Variants in GALNT17 observed in about 807,000 individuals in gnomAD.
The protein encoded by GALNT17 is polypeptide N-acetylgalactosaminyltransferase 17.
GALNT17 carries 29 observed loss-of-function variants against 63.7 expected under a neutral mutation model. The ratio of observed to expected loss-of-function variants is 0.46; its 90% CI spans 0.34 to 0.62. The LOEUF (loss-of-function observed/expected upper bound fraction) is 0.62. Among genes scored for constraint, GALNT17 ranks in the 20% least tolerant of loss-of-function variants. The pLI, the probability that GALNT17 is intolerant of heterozygous loss-of-function variation, is 0.01. For synonymous variants in GALNT17, 305 were observed against 318.3 expected (o/e 0.96, Z 0.45); for missense variants, 603 against 799.6 (o/e 0.75, Z 2.97).
At chr7:71,709,633 T>A (rs765927370) in intron 9 of GALNT17, among the ~76,000 whole-genome samples, 5 of 152,176 alleles carry the variant, frequency 3.3e-5, no homozygotes, top group Non-Finnish European at 7.4e-5. Flanking sequence ...AGCCTCACTC[T>A]GTTGCCCAGG....
chr7:71,201,790 C>A (rs1434483660), intron 1 of GALNT17, among the ~76,000 whole-genome samples: 2 of 152,058 alleles, frequency 1.3e-5, no homozygotes, highest in Non-Finnish European at 2.9e-5. Flanking sequence ...CGCCACCACA[C>A]CCAGCTAATT....
rs549185101 is a variant in GALNT17 at position 71,287,386 on chromosome 7, G to A, written c.239-48164G>A. On this transcript the variant is annotated intron_variant, in intron 1 of 10. Transcript: ENST00000333538. ...ATTACAGGTGTGAGACACCACACCC[G>A]GCTGCTTTTAAGGTCCTTAAAGTGC... Among the ~76,000 whole-genome samples, 26 of 151,940 alleles carry A rather than the reference G, an allele frequency of 1.7e-4. No homozygotes were observed. The South Asian group carries it at 4.4e-3, about 26-fold the overall frequency.
chr7:71,415,996 G>T lies in GALNT17; in HGVS notation c.697G>T (p.Gly233Cys). ...AGGCCTGATCCGCGCTCGCATTGAG[G>T]GCTGGAAGGTGGCTACCGGGCAGGT... ...REGLIRARIE[G>C]WKVATGQVTG... The change falls in exon 4 of 11, where the codon GGC (glycine) becomes TGC (cysteine). Residue 233 changes from glycine (G) to cysteine (C), a missense_variant. Transcript: ENST00000333538. 2 of 1,613,826 alleles carry T rather than the reference G, an allele frequency of 1.2e-6. No homozygotes were observed. Among genetic ancestry groups the T allele is most frequent in the Non-Finnish European group, 1.7e-6 (2 of 1,179,880 alleles).
intron 8 of GALNT17, among the ~76,000 whole-genome samples, chr7:71,674,495 G>GCCAC (rs1290637454): frequency 2.7e-5 from 4 of 146,854 alleles, no homozygotes; most frequent in Middle Eastern, 3.2e-3. Context: ...ACAGGTGTGA[G>GCCAC]CCACTGCTGT....
intron 1 of GALNT17, among the ~76,000 whole-genome samples, chr7:71,201,375 T>G (rs1249070021): frequency 2.0e-5 from 3 of 151,536 alleles, no homozygotes; most frequent in Admixed American, 2.0e-4. Flanking sequence ...TGCTGAGAAC[T>G]CAGATATTTA....
intron 1 of GALNT17, among the ~76,000 whole-genome samples, chr7:71,317,857 G>C (rs1051810509): frequency 1.3e-5 from 2 of 151,990 alleles, no homozygotes; most frequent in African/African-American, 4.8e-5. Flanking sequence ...GAAGAATTTG[G>C]CTTCTTCCTT....
chr7:71,710,978 G>C, intron 10 of GALNT17, 50 bp downstream of exon 10: 2 of 1,591,406 alleles, frequency 1.3e-6, no homozygotes, highest in Non-Finnish European at 1.7e-6. Flanking sequence ...GCAAGAGGCT[G>C]CAGACCACAG....
chr7:71,455,512 T>G (rs532873364), intron 5 of GALNT17, among the ~76,000 whole-genome samples: 7 of 152,042 alleles, frequency 4.6e-5, no homozygotes, highest in East Asian at 3.9e-4. Flanking sequence ...TTTTGTTTTT[T>G]TTTTTGCATT....
At chr7:71,381,503 GT>G (rs905452471) in intron 2 of GALNT17, among the ~76,000 whole-genome samples, 1 of 152,136 alleles carries the variant, frequency 6.6e-6, no homozygotes, top group Admixed American at 6.5e-5. Flanking sequence ...AGCAGGCCAG[GT>G]GCGGGGGCTC....
intron 5 of GALNT17, among the ~76,000 whole-genome samples, chr7:71,512,114 C>T (rs573253245): frequency 1.2e-3 from 177 of 151,602 alleles, no homozygotes; most frequent in Non-Finnish European, 2.0e-3. Flanking sequence ...GCGATTCTCC[C>T]GCCTCAGCCT....
intron 1 of GALNT17, among the ~76,000 whole-genome samples, chr7:71,325,403 G>T (rs1791687931): frequency 6.6e-6 from 1 of 152,180 alleles, no homozygotes; most frequent in African/African-American, 2.4e-5. Flanking sequence ...ATGCTGGGCT[G>T]GGGCTGCTGA....
intron 6 of GALNT17, among the ~76,000 whole-genome samples, chr7:71,586,693 A>G (rs758693993): frequency 3.3e-5 from 5 of 149,686 alleles, no homozygotes; most frequent in Non-Finnish European, 5.9e-5. Context: ...TTTTTTTTTA[A>G]TTGCATGGCA....
intron 5 of GALNT17, among the ~76,000 whole-genome samples, chr7:71,432,696 G>A (rs917944123): frequency 1.3e-5 from 2 of 152,204 alleles, no homozygotes; most frequent in Non-Finnish European, 2.9e-5. Flanking sequence ...GGTTGAGTGC[G>A]ATGGCTCTGG....
At chr7:71,565,277 A>T (rs1162193100) in intron 5 of GALNT17, among the ~76,000 whole-genome samples, 1 of 151,370 alleles carries the variant, frequency 6.6e-6, no homozygotes, top group Non-Finnish European at 1.5e-5. Flanking sequence ...AAGAAAAAAA[A>T]AATCAGGCTC....
intron 1 of GALNT17, among the ~76,000 whole-genome samples, chr7:71,227,321 G>T (rs1000582788): frequency 6.6e-6 from 1 of 151,346 alleles, no homozygotes; most frequent in Non-Finnish European, 1.5e-5. Flanking sequence ...CCATGATTGC[G>T]CAATTGTACT....
At chr7:71,538,129 CAAAG>C (rs1346263868) in intron 5 of GALNT17, among the ~76,000 whole-genome samples, 9 of 152,122 alleles carry the variant, frequency 5.9e-5, no homozygotes, top group East Asian at 1.9e-4. Flanking sequence ...ACAACTGGCA[CAAAG>C]AAAGAGCTCA....
chr7:71,179,212 G>A (rs955609347), intron 1 of GALNT17, among the ~76,000 whole-genome samples: 4 of 150,664 alleles, frequency 2.7e-5, no homozygotes, highest in Non-Finnish European at 5.9e-5. Flanking sequence ...ATATCTGATC[G>A]CCTCCTTTGG....
intron 6 of GALNT17, among the ~76,000 whole-genome samples, chr7:71,619,684 G>A (rs1394615141): frequency 1.3e-5 from 2 of 152,210 alleles, no homozygotes; most frequent in Non-Finnish European, 2.9e-5. Context: ...AACTCAAGGA[G>A]CCTTTTGGCA....
intron 1 of GALNT17, among the ~76,000 whole-genome samples, chr7:71,144,876 A>G (rs538488943): frequency 6.6e-6 from 1 of 152,216 alleles, no homozygotes; most frequent in South Asian, 2.1e-4. Context: ...CTACAGGTGC[A>G]TGCCACCATG....
Sources: gnomAD v4.1 joint callset for allele counts (sites outside exome capture counted in the v4.1 genomes callset) on GRCh38, gnomAD v4.1.1 for gene constraint, MANE v1.5 for transcripts, NCBI Gene and HGNC (gene_info 2026-07-23, HGNC 2026-07-21) for gene names.